Variants in AP3B2 observed in about 807,000 individuals in gnomAD.
AP3B2 encodes adaptor related protein complex 3 subunit beta 2.
A neutral mutation model predicts 126.9 loss-of-function variants in AP3B2; 50 were observed. The observed-to-expected ratio is 0.39, with a 90% CI of 0.31 to 0.50. The LOEUF (loss-of-function observed/expected upper bound fraction) is 0.50. AP3B2 is among the 20% of genes least tolerant of loss of function. AP3B2 has a pLI of 0.79. For synonymous variants in AP3B2, 541 were observed against 565.0 expected (o/e 0.96, Z 0.60); for missense variants, 1,177 against 1,426.4 (o/e 0.83, Z 2.82).
intron 15 of AP3B2, 130 bp downstream of exon 15, chr15:82,666,617 T>G: frequency 3.0e-6 from 3 of 984,512 alleles, no homozygotes; most frequent in East Asian, 2.7e-5. Flanking sequence ...ACAAAAGGAG[T>G]GAGCCAGGGA....
rs2048854821 is a variant in AP3B2, at chr15:82,709,781, G to A, written c.-75C>T. 4 of 1,233,222 alleles carry A rather than the reference G, an allele frequency of 3.2e-6. No individual in the cohort carries two copies. The highest frequency in any genetic ancestry group is 4.3e-6 in the Non-Finnish European group (4 of 929,880). 76.4% of individuals were successfully genotyped at this position (1,233,222 alleles called of 1,614,324 possible). On this transcript the variant is annotated 5_prime_UTR_variant, in exon 1 of 27. Transcript: ENST00000535359. ...CGGCTGGAGCGGAGGAAGGGAAGGC[G>A]GGCCGGTCCGGTCCGGGCTGGCGAA...
At position 82,659,952 on chromosome 15, in the gene AP3B2, C is replaced by G; in HGVS notation, c.3048G>C (p.Glu1016Asp). 1.9e-6 allele frequency: 3 copies of G among 1,613,980 alleles called. No homozygotes were observed. The highest frequency in any genetic ancestry group is 2.5e-6 in the Non-Finnish European group (3 of 1,179,884). The change falls in exon 26 of 27, where the codon GAG becomes GAC. Residue 1016 changes from glutamate to aspartate, a missense_variant. Around this residue, in one of 5 missense-constraint regions of AP3B2, gnomAD observed 587 missense variants for 571.3 expected, o/e 1.03. Transcript: ENST00000535359. ...GKLMGMNEIT[E>D]KLMLPDTCRS... Reference sequence around the variant, plus strand: ...GACAGGTGTCTGGCAGCATGAGTTTCTCTGTGATCTCATTCATGCCCATCA... The same window carrying G: ...GACAGGTGTCTGGCAGCATGAGTTTGTCTGTGATCTCATTCATGCCCATCA...
intron 11 of AP3B2, 128 bp from the exon 12 acceptor site, chr15:82,677,931 C>A: frequency 1.5e-6 from 2 of 1,338,620 alleles, no homozygotes; most frequent in South Asian, 2.9e-5. Flanking sequence ...GGGGTGACAA[C>A]TCCACCCCCA....
intron 1 of AP3B2, among the ~76,000 whole-genome samples, chr15:82,708,573 T>A (rs1022709373): frequency 6.6e-6 from 1 of 152,146 alleles, no homozygotes; most frequent in African/African-American, 2.4e-5. Flanking sequence ...TGTCTCTTGT[T>A]CAATCTGGCC....
intron 1 of AP3B2, among the ~76,000 whole-genome samples, chr15:82,706,128 T>C (rs1392952884): frequency 2.6e-5 from 4 of 152,146 alleles, no homozygotes; most frequent in Non-Finnish European, 5.9e-5. Context: ...CTGCCGCTGC[T>C]TTAATACTTT....
chr15:82,678,092 A>G lies in AP3B2; in HGVS notation c.1245+13T>C. 6.2e-7 allele frequency: 1 copy of G among 1,613,374 alleles called. No homozygotes were observed. The highest frequency in any genetic ancestry group is 8.5e-7 in the Non-Finnish European group (1 of 1,179,668). On this transcript the variant is annotated intron_variant, in intron 11 of 26. Coordinates refer to ENST00000535359, the MANE Select transcript of AP3B2 (RefSeq NM_001278512.2). ...CCTCTCCCAGGCCCTTCTGGCTGGG[A>G]GCTGGCCTGTACCTGGAATTCCCGT...
chr15:82,696,713 C>G (rs555654451), intron 1 of AP3B2, among the ~76,000 whole-genome samples: 17 of 152,346 alleles, frequency 1.1e-4, no homozygotes, highest in African/African-American at 4.1e-4. Flanking sequence ...GCTCCCCATT[C>G]TGTGTGTGGA....
In AP3B2 at chr15:82,709,856, A is replaced by C; in HGVS notation, c.-150T>G. The C allele has an allele frequency of 3.8e-6, 2 of 531,486 alleles. No homozygotes were observed. Among genetic ancestry groups the C allele is most frequent in the South Asian group, 3.7e-5 (1 of 26,936 alleles). 32.9% of individuals were successfully genotyped at this position (531,486 alleles called of 1,614,324 possible). On this transcript the variant is annotated 5_prime_UTR_variant, in exon 1 of 27. Transcript: ENST00000535359. Reference sequence around the variant, plus strand: ...CAGAGGCTGCAGTGTGCAGCGGCGGAGGCTGCGCGCGGATTTCTCAATCAG... The same window carrying C: ...CAGAGGCTGCAGTGTGCAGCGGCGGCGGCTGCGCGCGGATTTCTCAATCAG...
At chr15:82,675,399 G>C (rs1237638808) in intron 14 of AP3B2, among the ~76,000 whole-genome samples, 1 of 152,166 alleles carries the variant, frequency 6.6e-6, no homozygotes, top group African/African-American at 2.4e-5. Context: ...AGCCTCTGGG[G>C]CTCACTCTGG....
At chr15:82,673,316 G>C (rs542247273) in intron 14 of AP3B2, among the ~76,000 whole-genome samples, 11 of 152,290 alleles carry the variant, frequency 7.2e-5, no homozygotes, top group African/African-American at 2.6e-4. Flanking sequence ...CTGGGTTCAA[G>C]CAATTCTCCT....
intron 1 of AP3B2, among the ~76,000 whole-genome samples, chr15:82,695,612 C>T (rs142772965): frequency 1.4e-3 from 210 of 152,294 alleles, no homozygotes; most frequent in African/African-American, 4.8e-3. Context: ...CTGCACCCCT[C>T]CTTCCATACC....
intron 15 of AP3B2, among the ~76,000 whole-genome samples, chr15:82,666,373 A>G (rs2048058106): frequency 6.6e-6 from 1 of 152,224 alleles, no homozygotes; most frequent in South Asian, 2.1e-4. Flanking sequence ...TTATAAAAAT[A>G]TACACCTCTC....
chr15:82,663,690 G>A (rs1483312139), intron 20 of AP3B2, 70 bp from the exon 21 acceptor site: 1 of 1,610,996 alleles, frequency 6.2e-7, no homozygotes, highest in Non-Finnish European at 8.5e-7. Context: ...TTGGGTAGAA[G>A]ATGTCATGTT....
chr15:82,688,580 T>C (rs1167106149), intron 4 of AP3B2, 156 bp downstream of exon 4: 3 of 738,556 alleles, frequency 4.1e-6, no homozygotes, highest in Non-Finnish European at 7.2e-6. Flanking sequence ...TCTGAGGGTC[T>C]GGCTGGCCTC....
intron 1 of AP3B2, among the ~76,000 whole-genome samples, chr15:82,696,942 G>C (rs1245782902): frequency 6.6e-6 from 1 of 152,100 alleles, no homozygotes; most frequent in Non-Finnish European, 1.5e-5. Context: ...CTGTGTGTGG[G>C]GACTCACACA....
In AP3B2 at chr15:82,662,762, A is replaced by G. The variant is rs1208565590; in HGVS notation, c.2765T>C (p.Ile922Thr). The stretch of plus-strand genomic sequence containing the variant: ...GGGAGTGCCCACATGCAGGCCCTTG[A>G]TGGGGGTATCAGAGCTGTTGGAGAA... ...IHFSNSSDTP[I>T]KGLHVGTPKL... The change falls in exon 23 of 27, where the codon ATC becomes ACC. Residue 922 changes from isoleucine (I) to threonine (T), a missense_variant. Coordinates refer to ENST00000535359, the MANE Select transcript of AP3B2 (RefSeq NM_001278512.2). 6.2e-6 allele frequency: 10 copies of G among 1,613,896 alleles called. No homozygotes were observed. The highest frequency in any genetic ancestry group is 8.5e-6 in the Non-Finnish European group (10 of 1,179,846).
chr15:82,696,563 G>C (rs897103943), intron 1 of AP3B2, among the ~76,000 whole-genome samples: 4 of 151,992 alleles, frequency 2.6e-5, no homozygotes, highest in African/African-American at 9.7e-5. Context: ...GGGTGACAGA[G>C]TGAGACTCCA....
chr15:82,701,419 A>C (rs4779051), intron 1 of AP3B2, among the ~76,000 whole-genome samples: 121,704 of 152,106 alleles, frequency 0.8, 49,325 homozygotes, highest in African/African-American at 0.94. Flanking sequence ...TAAGAAACAA[A>C]AAAAAAAACC....
chr15:82,695,489 T>A (rs1210669774), intron 1 of AP3B2, among the ~76,000 whole-genome samples: 1 of 152,032 alleles, frequency 6.6e-6, no homozygotes, highest in East Asian at 1.9e-4. Context: ...AAAGATGCGA[T>A]CAATCATGAA....
Sources: allele counts gnomAD v4.1 joint callset (sites outside exome capture counted in the v4.1 genomes callset), GRCh38; gene constraint gnomAD v4.1.1; regional missense constraint gnomAD v4.1.1; transcripts MANE v1.5; gene names NCBI Gene and HGNC (gene_info 2026-07-23, HGNC 2026-07-21).